CENPH: variants seen among roughly 807,000 people sequenced by gnomAD.
CENPH encodes the protein centromere protein H.
Under a neutral mutation model 42.9 loss-of-function variants are expected in CENPH, and 40 were observed. The observed-to-expected ratio is 0.93, with a 90% CI of 0.72 to 1.21. The LOEUF (loss-of-function observed/expected upper bound fraction) is 1.21. Ranked by LOEUF, CENPH falls within the 50% of genes most tolerant of loss-of-function variation. The pLI is 0.00. For synonymous variants in CENPH, 88 were observed against 96.5 expected (o/e 0.91, Z 0.52); for missense variants, 302 against 292.9 (o/e 1.03, Z -0.23).
At chr5:69,200,705 C>G (rs13180908) in intron 5 of CENPH, among the ~76,000 whole-genome samples, 1 of 98,834 alleles carries the variant, frequency 1.0e-5, no homozygotes, top group Non-Finnish European at 2.2e-5. Context: ...CCCAAACTTT[C>G]TGAATCAGCG....
At chr5:69,193,232 T>C (rs983899410) in intron 2 of CENPH, among the ~76,000 whole-genome samples, 5 of 152,030 alleles carry the variant, frequency 3.3e-5, no homozygotes, top group African/African-American at 1.2e-4. Context: ...ACTGAGACTT[T>C]ATTGGTTAAA....
intron 5 of CENPH, among the ~76,000 whole-genome samples, chr5:69,202,057 C>T (rs868604346): frequency 1.3e-5 from 2 of 152,122 alleles, no homozygotes; most frequent in Admixed American, 6.6e-5. Flanking sequence ...ACCTTCCACT[C>T]GGTTTTGCTG....
At chr5:69,209,430 C>T (rs889174549) in intron 8 of CENPH, among the ~76,000 whole-genome samples, 5 of 151,618 alleles carry the variant, frequency 3.3e-5, no homozygotes, top group African/African-American at 4.8e-5. Context: ...CCCAGCTACT[C>T]GGGAGGCTGA....
intron 7 of CENPH, 188 bp from the exon 8 acceptor site, chr5:69,208,008 T>C: frequency 2.6e-6 from 1 of 382,314 alleles, no homozygotes; most frequent in South Asian, 4.7e-5. Context: ...AGTACGAAAT[T>C]AAAATATTGT....
intron 5 of CENPH, among the ~76,000 whole-genome samples, chr5:69,199,255 T>C (rs144746643): frequency 2.3e-3 from 344 of 152,276 alleles, no homozygotes; most frequent in Admixed American, 3.7e-3. Context: ...CCTAGCTCAC[T>C]ACCACCTTCA....
At chr5:69,196,751 C>G (rs1747970316) in intron 4 of CENPH, among the ~76,000 whole-genome samples, 1 of 152,182 alleles carries the variant, frequency 6.6e-6, no homozygotes, top group Non-Finnish European at 1.5e-5. Flanking sequence ...CTTAATCCTT[C>G]CAGTGGCTTT....
At chr5:69,191,745 A>G in intron 1 of CENPH, 50 bp from the exon 2 acceptor site, 2 of 1,129,630 alleles carry the variant, frequency 1.8e-6, no homozygotes, top group East Asian at 2.4e-5. Flanking sequence ...TAATGAGTAA[A>G]ACCTTAATCA....
intron 7 of CENPH, among the ~76,000 whole-genome samples, chr5:69,203,565 C>T (rs1385172050): frequency 6.6e-6 from 1 of 152,064 alleles, no homozygotes; most frequent in East Asian, 1.9e-4. Context: ...GATGGGATTT[C>T]ACCATGTTGG....
At chr5:69,204,033 ATTATATATATTTATATATTAT>A (rs1748103377) in intron 7 of CENPH, among the ~76,000 whole-genome samples, 1 of 76,212 alleles carries the variant, frequency 1.3e-5, no homozygotes, top group African/African-American at 4.8e-5. Flanking sequence ...TATATATATA[ATTATATATATTTATATATTAT>A]ATATATAAAT....
chr5:69,207,514 G>GT (rs1261523522), intron 7 of CENPH, among the ~76,000 whole-genome samples: 2 of 144,980 alleles, frequency 1.4e-5, no homozygotes, highest in Non-Finnish European at 3.0e-5. Flanking sequence ...TAAATGAAAA[G>GT]TAAGATTCCT....
intron 2 of CENPH, among the ~76,000 whole-genome samples, chr5:69,192,631 G>C (rs1385622418): frequency 6.6e-6 from 1 of 152,044 alleles, no homozygotes; most frequent in Admixed American, 6.6e-5. Flanking sequence ...TAAAAAAAAC[G>C]TAGCCAGATA....
At chr5:69,202,707 CTTT>C in intron 6 of CENPH, 138 bp downstream of exon 6, 1 of 665,438 alleles carries the variant, frequency 1.5e-6, no homozygotes, top group South Asian at 2.1e-5. Context: ...TGAGTTCTCT[CTTT>C]TTTTCAAAAT....
intron 4 of CENPH, among the ~76,000 whole-genome samples, chr5:69,196,369 G>A (rs763105592): frequency 6.6e-6 from 1 of 152,232 alleles, no homozygotes; most frequent in African/African-American, 2.4e-5. Context: ...ACCTGGCTGG[G>A]CGCGGTGGCT....
chr5:69,191,691 G>C, intron 1 of CENPH, 104 bp from the exon 2 acceptor site: 2 of 694,948 alleles, frequency 2.9e-6, no homozygotes, highest in Non-Finnish European at 5.1e-6. Flanking sequence ...TATTTATTTT[G>C]TTGTATCAGC....
chr5:69,207,372 A>G, intron 7 of CENPH, among the ~76,000 whole-genome samples: 1 of 151,804 alleles, frequency 6.6e-6, no homozygotes, highest in Admixed American at 6.6e-5. Context: ...TATTTTTCAT[A>G]GAGATGGGGT....
intron 5 of CENPH, 56 bp downstream of exon 5, chr5:69,197,165 A>G (rs1747977972): frequency 8.9e-7 from 1 of 1,123,412 alleles, no homozygotes; most frequent in African/African-American, 1.6e-5. Flanking sequence ...TAGTGACTTT[A>G]GTTTTGTGAA....
rs540394121 is a variant in CENPH, at chr5:69,193,947, C to T, written c.191-700C>T. ...GATTACAGGCATGAGCCATCACACC[C>T]CTGGCCACACGTGGCTTTTTAAAGC... On this transcript the variant is annotated intron_variant, in intron 2 of 8. Transcript: ENST00000283006. Among the ~76,000 whole-genome samples the T allele has an allele frequency of 2.6e-5, 4 of 152,222 alleles. No individual in the cohort carries two copies. The South Asian group carries it at 6.2e-4, about 24-fold the overall frequency.
chr5:69,208,047 A>G (rs958703998), intron 7 of CENPH, 149 bp from the exon 8 acceptor site: 7 of 449,806 alleles, frequency 1.6e-5, no homozygotes, highest in Non-Finnish European at 2.8e-5. Context: ...TCATTTTCAG[A>G]TCGTAATAAA....
At chr5:69,202,369 A>C in intron 5 of CENPH, 137 bp from the exon 6 acceptor site, 1 of 524,236 alleles carries the variant, frequency 1.9e-6, no homozygotes, top group Non-Finnish European at 3.4e-6. Context: ...ATTTTGTTAA[A>C]CTGACTTTTT....
Sources: gnomAD v4.1 joint callset for allele counts (sites outside exome capture counted in the v4.1 genomes callset) on GRCh38, gnomAD v4.1.1 for gene constraint, MANE v1.5 for transcripts, NCBI Gene and HGNC (gene_info 2026-07-23, HGNC 2026-07-21) for gene names.